Variants in METTL2A observed in about 807,000 individuals in gnomAD.
The protein encoded by METTL2A is methyltransferase 2A, tRNA N3-cytidine.
In METTL2A, 45 loss-of-function variants were observed where a neutral mutation model predicts 49.4. The observed-to-expected ratio is 0.91, with a 90% CI of 0.72 to 1.17. The LOEUF (loss-of-function observed/expected upper bound fraction) is 1.17, where lower values mean the gene tolerates loss of function less well. Among genes scored for constraint, METTL2A ranks in the 50% most tolerant of loss-of-function variants. The probability of loss-of-function intolerance (pLI) is 0.00; values close to 1 mark genes in which losing one functional copy is unlikely to be tolerated. For synonymous variants in METTL2A, 118 were observed against 167.5 expected (o/e 0.70, Z 2.28); for missense variants, 361 against 462.2 (o/e 0.78, Z 2.01).
chr17:62,436,112 G>T (rs573806668), intron 5 of METTL2A, among the ~76,000 whole-genome samples: 1 of 151,974 alleles, frequency 6.6e-6, no homozygotes, highest in Non-Finnish European at 1.5e-5. Flanking sequence ...AAAAAATGGC[G>T]CATACCTGTA....
chr17:62,435,688 G>A (rs1006551790), intron 5 of METTL2A, among the ~76,000 whole-genome samples: 1 of 152,152 alleles, frequency 6.6e-6, no homozygotes, highest in Admixed American at 6.6e-5. Flanking sequence ...TCACATCTGT[G>A]TAAGACGGTC....
At chr17:62,428,223 C>T (rs1488612526) in intron 4 of METTL2A, among the ~76,000 whole-genome samples, 1 of 152,216 alleles carries the variant, frequency 6.6e-6, no homozygotes, top group Non-Finnish European at 1.5e-5. Flanking sequence ...TTCTCATGAT[C>T]TCTGAAGAAC....
chr17:62,445,666 G>T (rs769584374), intron 7 of METTL2A, among the ~76,000 whole-genome samples: 2 of 151,978 alleles, frequency 1.3e-5, no homozygotes, highest in Non-Finnish European at 2.9e-5. Context: ...GCATGGTGGC[G>T]CATGCCTGTA....
In METTL2A at chr17:62,444,844, A is replaced by G. The variant is rs748893124; in HGVS notation, c.817A>G (p.Lys273Glu). Residue 273 changes from lysine (K) to glutamate (E), a missense_variant, in exon 7 of 9, where the codon AAG (lysine) becomes GAG (glutamate). Transcript: ENST00000311506. The part of the protein sequence containing the change: ...LSAIVPDKMQ[K>E]AINRLSRLLK... ...TTCCCTGCTGCTCCACAGGATGCAG[A>G]AGGCTATCAACAGGCTGAGCAGGCT... is the stretch of plus-strand genomic sequence containing the variant. 4.3e-6 allele frequency: 7 copies of G among 1,613,866 alleles called. No individual in the cohort carries two copies. The highest frequency in any genetic ancestry group is 4.2e-6 in the Non-Finnish European group (5 of 1,179,848).
At chr17:62,434,510 A>AT (rs1376362094) in intron 4 of METTL2A, among the ~76,000 whole-genome samples, 6 of 152,024 alleles carry the variant, frequency 3.9e-5, no homozygotes, top group African/African-American at 9.7e-5. Flanking sequence ...CTCCTCTCCC[A>AT]TTTTCATTTA....
chr17:62,453,044 G>C lies in METTL2A; in HGVS notation c.*4315G>C, dbSNP rs973455017. On this transcript the variant is annotated 3_prime_UTR_variant, in exon 9 of 9. Coordinates refer to ENST00000311506, the MANE Select transcript of METTL2A (RefSeq NM_181725.4). ...CATTTATCTTTTGAAATGAAGAATA[G>C]ATACATTAATTTAAATGATTCTCTA... 6.6e-6 allele frequency among the ~76,000 whole-genome samples: 1 copy of C among 152,178 alleles called. No individual in the cohort carries two copies. Among genetic ancestry groups the C allele is most frequent in the African/African-American group, 2.4e-5 (1 of 41,448 alleles).
chr17:62,447,888 G>T (rs2070779770), intron 8 of METTL2A, 122 bp downstream of exon 8: 1 of 1,551,214 alleles, frequency 6.4e-7, no homozygotes, highest in Non-Finnish European at 8.7e-7. Context: ...GTTTCCTGCG[G>T]TTCCCTGCTG....
At chr17:62,433,592 T>G (rs1453739589) in intron 4 of METTL2A, among the ~76,000 whole-genome samples, 1 of 150,490 alleles carries the variant, frequency 6.6e-6, no homozygotes, top group African/African-American at 2.5e-5. Context: ...ATACAAAAAT[T>G]AACAGGGCAT....
chr17:62,449,754 A>T lies in METTL2A; in HGVS notation c.*1025A>T, dbSNP rs2070793828. 5.7e-6 allele frequency: 1 copy of T among 175,756 alleles called. No homozygotes were observed. Among genetic ancestry groups the T allele is most frequent in the African/African-American group, 2.4e-5 (1 of 41,440 alleles). 10.9% of individuals were successfully genotyped at this position (175,756 alleles called of 1,614,324 possible). A position where few individuals can be genotyped will look rare whatever the true frequency, so the allele number is the denominator to read the frequency against. On this transcript the variant is annotated 3_prime_UTR_variant, in exon 9 of 9. Coordinates refer to ENST00000311506, the MANE Select transcript of METTL2A (RefSeq NM_181725.4). ...AAAAATCTTAGTTCCATGGAATTTT[A>T]AGCATTGTTCCCCCTCTAACCTGTG...
At chr17:62,438,649 C>T (rs2070717641) in intron 5 of METTL2A, among the ~76,000 whole-genome samples, 1 of 150,838 alleles carries the variant, frequency 6.6e-6, no homozygotes, top group Admixed American at 6.6e-5. Context: ...ATTGGTAGTG[C>T]CATGCTTTTA....
At position 62,447,704 on chromosome 17, in the gene METTL2A, A is replaced by C. The variant is rs1293665360; in HGVS notation, c.920A>C (p.Gln307Pro). 6.2e-7 allele frequency: 1 copy of C among 1,614,162 alleles called. No homozygotes were observed. ...TTTTTAACACATCACTCTGCAGGTC[A>C]GTGTCTATCTGGAAATTTCTACGTG... ...DMAQLRFKKG[Q>P]CLSGNFYVRG... The change falls in exon 8 of 9, where the codon CAG (glutamine) becomes CCG (proline). Residue 307 changes from glutamine to proline, a missense_variant. By Grantham distance (76) the Gln-to-Pro change is moderately conservative. Transcript: ENST00000311506.
At chr17:62,424,818 T>C (rs1462894431) in intron 2 of METTL2A, among the ~76,000 whole-genome samples, 4 of 151,758 alleles carry the variant, frequency 2.6e-5, no homozygotes, top group Non-Finnish European at 4.4e-5. Context: ...AGAGTGGAGA[T>C]AAGTCTGGCC....
At chr17:62,437,911 G>T (rs2070711741) in intron 5 of METTL2A, among the ~76,000 whole-genome samples, 1 of 151,938 alleles carries the variant, frequency 6.6e-6, no homozygotes, top group Non-Finnish European at 1.5e-5. Flanking sequence ...GGCGGAGGTT[G>T]CAGTGAGCCG....
chr17:62,440,031 T>TC lies in METTL2A; in HGVS notation c.670-586_670-585insC, dbSNP rs1357302461. 8.3e-4 allele frequency among the ~76,000 whole-genome samples: 126 copies of TC among 151,926 alleles called. 1 individual carries two copies. The highest frequency in any genetic ancestry group is 8.2e-3 in the Admixed American group (125 of 15,218). ...GTTTTTGCCGTTACTTTTTTTTTTT[T>TC]TTTCTTTTTTTTAGATGGAGTTTCA... On this transcript the variant is annotated intron_variant, in intron 5 of 8. Transcript: ENST00000311506.
At chr17:62,444,118 T>C (rs2070753730) in intron 6 of METTL2A, among the ~76,000 whole-genome samples, 1 of 152,188 alleles carries the variant, frequency 6.6e-6, no homozygotes, top group Admixed American at 6.6e-5. Flanking sequence ...ATACAGCCCC[T>C]ACATTGAAAG....
chr17:62,452,485 A>G lies in METTL2A; in HGVS notation c.*3756A>G, dbSNP rs1297277018. On this transcript the variant is annotated 3_prime_UTR_variant, in exon 9 of 9. Coordinates refer to ENST00000311506, the MANE Select transcript of METTL2A (RefSeq NM_181725.4). ...ATTGCTGCTTTTTGGCTGAATAACT[A>G]TGATAGTTGCCAAATAGTGGTTTCT... is the stretch of plus-strand genomic sequence containing the variant. Among the ~76,000 whole-genome samples the G allele has an allele frequency of 2.6e-5, 4 of 152,182 alleles. No homozygotes were observed. The highest frequency in any genetic ancestry group is 4.8e-5 in the African/African-American group (2 of 41,442).
At position 62,427,785 on chromosome 17, in the gene METTL2A, C is replaced by A; in HGVS notation, c.559-3C>A. 1 of 1,607,044 alleles carries A rather than the reference C, an allele frequency of 6.2e-7. No homozygotes were observed. The highest frequency in any genetic ancestry group is 8.5e-7 in the Non-Finnish European group (1 of 1,178,348). On this transcript the variant is annotated splice_polypyrimidine_tract_variant and splice_region_variant and intron_variant, in intron 3 of 8. Transcript: ENST00000311506. ...GTGATTAATAGTTCATTTCTGTCTG[C>A]AGGTTGGCTGTGGTGTGGGAAACAC...
intron 2 of METTL2A, 135 bp from the exon 3 acceptor site, chr17:62,426,164 A>G (rs1014313452): frequency 2.1e-5 from 16 of 767,740 alleles, no homozygotes; most frequent in African/African-American, 1.6e-4. Context: ...AAATGCCTTC[A>G]GTTCTGGGAC....
intron 4 of METTL2A, 121 bp downstream of exon 4, chr17:62,427,958 A>G (rs2070639283): frequency 8.8e-7 from 1 of 1,135,286 alleles, no homozygotes; most frequent in African/African-American, 1.6e-5. Context: ...GCTTGAGGCC[A>G]GGAGTGTGAG....
Sources: allele counts gnomAD v4.1 joint callset (sites outside exome capture counted in the v4.1 genomes callset), GRCh38; gene constraint gnomAD v4.1.1; transcripts MANE v1.5; gene names NCBI Gene and HGNC (gene_info 2026-07-23, HGNC 2026-07-21).